UNC5D: variants seen among roughly 807,000 people sequenced by gnomAD.
The protein encoded by UNC5D is unc-5 netrin receptor D, also known as netrin receptor UNC5D.
A neutral mutation model predicts 105.4 loss-of-function variants in UNC5D; 39 were observed. That is an observed-to-expected ratio of 0.37 (90% CI 0.29 to 0.48). The LOEUF (loss-of-function observed/expected upper bound fraction) is 0.48, where lower values mean the gene tolerates loss of function less well. Among genes scored for constraint, UNC5D ranks in the 20% least tolerant of loss-of-function variants. UNC5D has a pLI of 0.98. For synonymous variants in UNC5D, 452 were observed against 450.4 expected, an observed-to-expected ratio of 1.00 and a Z score of -0.04; for missense variants, 991 against 1,202.4, an observed-to-expected ratio of 0.82 and a Z score of 2.60.
chr8:35,667,529 C>A (rs1005645203), intron 4 of UNC5D, among the ~76,000 whole-genome samples: 1 of 152,058 alleles, frequency 6.6e-6, no homozygotes, highest in South Asian at 2.1e-4. Context: ...TACAAAGGGG[C>A]CAGGAAATGG....
chr8:35,441,613 G>A (rs1231330531), intron 1 of UNC5D, among the ~76,000 whole-genome samples: 1 of 151,750 alleles, frequency 6.6e-6, no homozygotes, highest in Admixed American at 6.6e-5. Flanking sequence ...AAGAAACTGA[G>A]TATGTTAGAC....
At chr8:35,469,386 G>T (rs1809546111) in intron 1 of UNC5D, among the ~76,000 whole-genome samples, 1 of 152,112 alleles carries the variant, frequency 6.6e-6, no homozygotes, top group African/African-American at 2.4e-5. Context: ...CTTCATATGG[G>T]GAGTAATCAG....
At chr8:35,236,765 G>T (rs1027598042) in intron 1 of UNC5D, among the ~76,000 whole-genome samples, 1 of 152,168 alleles carries the variant, frequency 6.6e-6, no homozygotes, top group Non-Finnish European at 1.5e-5. Context: ...ATGATCAGAG[G>T]CAGTTTCAGA....
chr8:35,375,450 G>A (rs567198234), intron 1 of UNC5D, among the ~76,000 whole-genome samples: 6 of 152,080 alleles, frequency 3.9e-5, no homozygotes, highest in South Asian at 2.1e-4. Flanking sequence ...CCCTCCTCCC[G>A]CAGTTGGGCT....
intron 13 of UNC5D, among the ~76,000 whole-genome samples, chr8:35,751,089 T>G (rs979679904): frequency 1.3e-5 from 2 of 152,110 alleles, no homozygotes; most frequent in African/African-American, 4.8e-5. Flanking sequence ...GATCACTGTT[T>G]TGAAGGATAA....
chr8:35,336,695 T>C (rs1224273489), intron 1 of UNC5D, among the ~76,000 whole-genome samples: 1 of 152,074 alleles, frequency 6.6e-6, no homozygotes, highest in Non-Finnish European at 1.5e-5. Flanking sequence ...GACATATACA[T>C]TTTTTTCCTT....
intron 2 of UNC5D, among the ~76,000 whole-genome samples, chr8:35,565,780 A>C (rs1817293624): frequency 6.6e-6 from 1 of 152,190 alleles, no homozygotes; most frequent in Admixed American, 6.5e-5. Context: ...ATTCTTCTGC[A>C]TTTGGTGATC....
intron 1 of UNC5D, chr8:35,525,447 C>A: frequency 2.5e-6 from 4 of 1,612,220 alleles, no homozygotes; most frequent in Non-Finnish European, 2.5e-6. Flanking sequence ...GACACCAGCA[C>A]TGATTGCATA....
chr8:35,459,335 T>C (rs2129638575), intron 1 of UNC5D, among the ~76,000 whole-genome samples: 1 of 152,312 alleles, frequency 6.6e-6, no homozygotes, highest in South Asian at 2.1e-4. Context: ...CTGGAAATGA[T>C]ATTGTTGCCA....
intron 1 of UNC5D, among the ~76,000 whole-genome samples, chr8:35,519,582 G>T (rs1586033226): frequency 1.3e-5 from 2 of 152,032 alleles, no homozygotes; most frequent in African/African-American, 2.4e-5. Flanking sequence ...ATACCAAAAG[G>T]TATATAAAGA....
Position 35,594,044 on chromosome 8 carries a change from A to G in UNC5D, c.467-1510A>G, listed in dbSNP as rs114810073. On this transcript the variant is annotated intron_variant, in intron 3 of 16. Transcript: ENST00000404895. Reference sequence around the variant, plus strand: ...TCATACTTGGAGTCAGAAGTCCTGAATCAAACGGGCTGTGGCAATTTACGG... The same window carrying G: ...TCATACTTGGAGTCAGAAGTCCTGAGTCAAACGGGCTGTGGCAATTTACGG... Among the ~76,000 whole-genome samples, 1,106 of 152,302 alleles carry G rather than the reference A, an allele frequency of 7.3e-3. 11 individuals are homozygous for G. The highest frequency in any genetic ancestry group is 0.025 in the African/African-American group (1,043 of 41,564).
intron 1 of UNC5D, chr8:35,525,504 A>T: frequency 6.2e-7 from 1 of 1,612,294 alleles, no homozygotes; most frequent in Non-Finnish European, 8.5e-7. Context: ...TTTGCTGGCA[A>T]GCTTACTAAC....
chr8:35,364,091 A>T (rs1801984436), intron 1 of UNC5D, among the ~76,000 whole-genome samples: 1 of 152,138 alleles, frequency 6.6e-6, no homozygotes, highest in Admixed American at 6.5e-5. Context: ...GCTTGAACCC[A>T]GGAGGCAGAG....
At chr8:35,511,003 CAATT>C (rs761934983) in intron 1 of UNC5D, among the ~76,000 whole-genome samples, 3 of 152,262 alleles carry the variant, frequency 2.0e-5, no homozygotes, top group Non-Finnish European at 2.9e-5. Flanking sequence ...AAGAGGACCT[CAATT>C]AATCATTTTG....
At chr8:35,455,763 ATCTT>A in intron 1 of UNC5D, among the ~76,000 whole-genome samples, 2 of 152,126 alleles carry the variant, frequency 1.3e-5, no homozygotes, top group African/African-American at 4.8e-5. Flanking sequence ...CAAAAGGCAC[ATCTT>A]ACATGGTGGT....
intron 4 of UNC5D, among the ~76,000 whole-genome samples, chr8:35,604,579 G>A (rs1388745687): frequency 6.6e-6 from 1 of 152,100 alleles, no homozygotes; most frequent in Non-Finnish European, 1.5e-5. Context: ...TCCTGAATTT[G>A]AATGTTGGCC....
intron 1 of UNC5D, among the ~76,000 whole-genome samples, chr8:35,492,799 G>T (rs1008837653): frequency 2.0e-5 from 3 of 152,088 alleles, no homozygotes; most frequent in Non-Finnish European, 4.4e-5. Context: ...TGTTCTCTTA[G>T]AAAACTGGCC....
chr8:35,462,700 G>A (rs544162963), intron 1 of UNC5D, among the ~76,000 whole-genome samples: 4 of 152,282 alleles, frequency 2.6e-5, no homozygotes, highest in Non-Finnish European at 5.9e-5. Context: ...AAAAAAGAAA[G>A]TCATATCAAG....
At chr8:35,781,580 C>G (rs570084613) in intron 16 of UNC5D, among the ~76,000 whole-genome samples, 8 of 152,266 alleles carry the variant, frequency 5.3e-5, no homozygotes, top group Non-Finnish European at 1.0e-4. Context: ...AAAAAGTTAA[C>G]AATGTCAGTA....
Sources: allele counts gnomAD v4.1 joint callset (sites outside exome capture counted in the v4.1 genomes callset), GRCh38; gene constraint gnomAD v4.1.1; transcripts MANE v1.5; gene names NCBI Gene and HGNC (gene_info 2026-07-23, HGNC 2026-07-21).